MAD1L1: variants seen among roughly 807,000 people sequenced by gnomAD.
The protein encoded by MAD1L1 is mitotic spindle assembly checkpoint protein MAD1.
A neutral mutation model predicts 96.9 loss-of-function variants in MAD1L1; 95 were observed. That is an observed-to-expected ratio of 0.98 (90% CI 0.83 to 1.16). The LOEUF (loss-of-function observed/expected upper bound fraction) is 1.16. Ranked by LOEUF, MAD1L1 falls within the 50% of genes most tolerant of loss-of-function variation. MAD1L1 has a pLI of 0.00. For synonymous variants in MAD1L1, 473 were observed against 396.6 expected (o/e 1.19, Z -2.29); for missense variants, 1,007 against 954.4 (o/e 1.06, Z -0.73).
At chr7:2,080,845 T>C (rs1785604939) in intron 11 of MAD1L1, among the ~76,000 whole-genome samples, 1 of 152,170 alleles carries the variant, frequency 6.6e-6, no homozygotes, top group Non-Finnish European at 1.5e-5. Context: ...TTTCGCCTCA[T>C]TTCTCGGTTA....
At chr7:1,862,899 G>A (rs1182867998) in intron 18 of MAD1L1, among the ~76,000 whole-genome samples, 3 of 152,270 alleles carry the variant, frequency 2.0e-5, no homozygotes, top group Admixed American at 2.0e-4. Context: ...GCCGGCCGTA[G>A]AAAGGGGCCC....
intron 11 of MAD1L1, among the ~76,000 whole-genome samples, chr7:2,081,156 G>T (rs1366965787): frequency 6.6e-6 from 1 of 151,942 alleles, no homozygotes; most frequent in Admixed American, 6.5e-5. Context: ...GAGCCAGCGG[G>T]AAGGGTGTTT....
chr7:1,931,908 C>T (rs951840192), intron 17 of MAD1L1, among the ~76,000 whole-genome samples: 6 of 152,240 alleles, frequency 3.9e-5, no homozygotes, highest in African/African-American at 1.2e-4. Flanking sequence ...GCTGTCTACA[C>T]AGGTGCTTCC....
intron 18 of MAD1L1, among the ~76,000 whole-genome samples, chr7:1,862,170 C>T (rs1784565443): frequency 6.6e-6 from 1 of 152,240 alleles, no homozygotes; most frequent in African/African-American, 2.4e-5. Context: ...ACCCCGCAGC[C>T]TCGGTGCTCT....
intron 17 of MAD1L1, among the ~76,000 whole-genome samples, chr7:1,913,103 CCTGT>C (rs1284093269): frequency 6.6e-6 from 1 of 152,200 alleles, no homozygotes; most frequent in Non-Finnish European, 1.5e-5. Context: ...TTTTAAATCT[CCTGT>C]CTCTTTTCCC....
chr7:2,017,153 G>C (rs1028486806), intron 12 of MAD1L1, among the ~76,000 whole-genome samples: 2 of 152,246 alleles, frequency 1.3e-5, no homozygotes. Context: ...TGAAACAGCA[G>C]GCACGGTGTG....
At position 2,216,246 on chromosome 7, in the gene MAD1L1, C is replaced by T. The variant is rs370925896; in HGVS notation, c.720G>A (p.Ala240=). Reference sequence around the variant, plus strand: ...GCTCAGACTTCATGTTCTTCACAATCGCTGCATCCTGCTCTTGCAGGGACA... The same window carrying T: ...GCTCAGACTTCATGTTCTTCACAATTGCTGCATCCTGCTCTTGCAGGGACA... ...QKLSLQEQDA[A]IVKNMKSELV... is the part of the protein sequence containing the mutation. Residue 240 remains alanine, a synonymous_variant, in exon 8 of 19, where the codon GCG becomes GCA. Transcript: ENST00000265854. 60 of 1,614,068 alleles carry T rather than the reference C, an allele frequency of 3.7e-5. No individual in the cohort carries two copies. In the South Asian group the frequency reaches 4.5e-4, roughly 12 times the overall value.
At chr7:2,153,562 G>A (rs886352699) in intron 10 of MAD1L1, among the ~76,000 whole-genome samples, 1 of 152,172 alleles carries the variant, frequency 6.6e-6, no homozygotes, top group Non-Finnish European at 1.5e-5. Context: ...ATGCTGGTGA[G>A]GATGCAGAGG....
In MAD1L1 at chr7:2,054,328, G is replaced by A. The variant is rs184281571; in HGVS notation, c.1218+14866C>T. Among the ~76,000 whole-genome samples the A allele has an allele frequency of 6.6e-5, 10 of 152,306 alleles. No individual in the cohort carries two copies. In the South Asian group the frequency reaches 1.7e-3, roughly 25 times the overall value. ...GCGGTCGGGCGCACGTGGAGGGCTC[G>A]GGCTGGTGGAGGCGGTCCACGCTCC... On this transcript the variant is annotated intron_variant, in intron 12 of 18. Coordinates refer to ENST00000265854, the MANE Select transcript of MAD1L1 (RefSeq NM_001013836.2).
rs754409645 is a variant in MAD1L1 at position 1,958,350 on chromosome 7, T to G, written c.1506-631A>C. On this transcript the variant is annotated intron_variant, in intron 15 of 18. Coordinates refer to ENST00000265854, the MANE Select transcript of MAD1L1 (RefSeq NM_001013836.2). ...TTCACTGTAAAAAGCTGTCTAGTTT[T>G]GTCTTCATTTCTAGATCTAATATTT... Among the ~76,000 whole-genome samples, 95 of 152,242 alleles carry G rather than the reference T, an allele frequency of 6.2e-4. 2 individuals carry two copies. The highest frequency in any genetic ancestry group is 1.6e-4 in the Non-Finnish European group (11 of 68,040).
At chr7:2,089,918 C>T (rs1786121799) in intron 11 of MAD1L1, among the ~76,000 whole-genome samples, 1 of 152,204 alleles carries the variant, frequency 6.6e-6, no homozygotes, top group Non-Finnish European at 1.5e-5. Context: ...GCTGCTCTCC[C>T]CAGACCTTTC....
chr7:1,849,470 C>T (rs1267998650), intron 18 of MAD1L1: 3 of 152,278 alleles, frequency 2.0e-5, no homozygotes, highest in Admixed American at 2.0e-4. Context: ...CGGCCCTCCC[C>T]GTCGAGACAG....
chr7:1,925,412 C>T (rs754827642), intron 17 of MAD1L1, among the ~76,000 whole-genome samples: 6 of 152,178 alleles, frequency 3.9e-5, no homozygotes, highest in African/African-American at 1.2e-4. Flanking sequence ...TAATTTATAA[C>T]GACCCGAAGT....
chr7:2,056,579 G>A (rs1276171556), intron 12 of MAD1L1, among the ~76,000 whole-genome samples: 1 of 152,140 alleles, frequency 6.6e-6, no homozygotes, highest in Admixed American at 6.5e-5. Context: ...TCTGCAAAGC[G>A]ACCCAGGAGA....
intron 18 of MAD1L1, among the ~76,000 whole-genome samples, chr7:1,888,003 C>T (rs927324253): frequency 6.0e-5 from 5 of 83,162 alleles, no homozygotes; most frequent in African/African-American, 2.5e-4. Flanking sequence ...GTGTATATGG[C>T]TGCCTGTACG....
rs538656308 is a variant in MAD1L1 at position 2,156,762 on chromosome 7, A to G, written c.987-7524T>C. On this transcript the variant is annotated intron_variant, in intron 10 of 18. Coordinates refer to ENST00000265854, the MANE Select transcript of MAD1L1 (RefSeq NM_001013836.2). ...CTTGAACCCGGGAGGTGGAGGTTAC[A>G]GTGAGCTGAGACCACGGTATTGCCC... Among the ~76,000 whole-genome samples, 47 of 151,216 alleles carry G rather than the reference A, an allele frequency of 3.1e-4. No individual in the cohort carries two copies. In the South Asian group the frequency reaches 4.0e-3, roughly 13 times the overall value.
At chr7:1,900,810 A>G (rs942064197) in intron 17 of MAD1L1, among the ~76,000 whole-genome samples, 3 of 152,150 alleles carry the variant, frequency 2.0e-5, no homozygotes, top group African/African-American at 7.2e-5. Context: ...TTTCCGATAG[A>G]CTTCAAAGCT....
At position 2,222,737 on chromosome 7, in the gene MAD1L1, G is replaced by A. The variant is rs1471422058; in HGVS notation, c.309C>T (p.Asn103=). 6.2e-7 allele frequency: 1 copy of A among 1,603,380 alleles called. No homozygotes were observed. Among genetic ancestry groups the A allele is most frequent in the African/African-American group, 1.3e-5 (1 of 74,802 alleles). The change falls in exon 5 of 19, where the codon AAC becomes AAT. Residue 103 remains asparagine, a synonymous_variant. Coordinates refer to ENST00000265854, the MANE Select transcript of MAD1L1 (RefSeq NM_001013836.2). ...ARNYEREVDR[N]QELLTRIRQL... ...GCCGGATGCGCGTCAGGAGCTCCTG[G>A]TTGCGGTCGACCTCACGCTGTTAAG...
chr7:1,900,776 C>A (rs538120230), intron 17 of MAD1L1, among the ~76,000 whole-genome samples: 39 of 152,322 alleles, frequency 2.6e-4, no homozygotes, highest in African/African-American at 8.9e-4. Context: ...GCAAGCCTGA[C>A]CTTGGAGAAG....
Sources: gnomAD v4.1 joint callset for allele counts (sites outside exome capture counted in the v4.1 genomes callset) on GRCh38, gnomAD v4.1.1 for gene constraint, MANE v1.5 for transcripts, NCBI Gene and HGNC (gene_info 2026-07-23, HGNC 2026-07-21) for gene names.